Variants in ZNF362 observed in about 807,000 individuals in gnomAD.
The protein encoded by ZNF362 is zinc finger protein 362, also known as rotund homolog.
ZNF362 carries 11 observed loss-of-function variants against 42.9 expected under a neutral mutation model. The ratio of observed to expected loss-of-function variants is 0.26; its 90% CI spans 0.16 to 0.42. ZNF362 has a LOEUF of 0.42. ZNF362 is among the 20% of genes least tolerant of loss of function. The pLI, the probability that ZNF362 is intolerant of heterozygous loss-of-function variation, is 1.00. For missense variants in ZNF362, 362 were observed against 576.2 expected, an observed-to-expected ratio of 0.63 and a Z score of 3.81; for synonymous variants, 255 against 257.3, an observed-to-expected ratio of 0.99 and a Z score of 0.09.
At chr1:33,278,068 G>A (rs1039798103) in intron 4 of ZNF362, among the ~76,000 whole-genome samples, 2 of 152,124 alleles carry the variant, frequency 1.3e-5, no homozygotes, top group African/African-American at 4.8e-5. Context: ...CTGTTATTAT[G>A]ATTTTATTAA....
At chr1:33,232,330 T>C in the ZNF362 span, among the ~76,000 whole-genome samples, 81 of 151,826 alleles carry the variant, frequency 5.3e-4, no homozygotes, top group Non-Finnish European at 1.0e-3. Flanking sequence ...AGTGGTGTGA[T>C]CTCAGCTCAC....
At position 33,280,342 on chromosome 1, in the gene ZNF362, T is replaced by C; in HGVS notation, c.568T>C (p.Ser190Pro). Residue 190 changes from serine (S) to proline (P), a missense_variant, in exon 5 of 9, where the codon TCC (serine) becomes CCC (proline). Transcript: ENST00000539719. This position sits in a 1 kb window ranked among gnomAD's most constrained non-coding sequence, Gnocchi z 5.6. ...CCACGGCCTGCTTGGCCCCCCCAAG[T>C]CCGAACGCGGCCGCAAAAAGATCAA... is the stretch of plus-strand genomic sequence containing the variant. ...QGHGLLGPPK[S>P]ERGRKKIKAE... is the part of the protein sequence containing the mutation. 6.2e-7 allele frequency: 1 copy of C among 1,613,860 alleles called. No individual in the cohort carries two copies. Among genetic ancestry groups the C allele is most frequent in the Non-Finnish European group, 8.5e-7 (1 of 1,179,916 alleles).
chr1:33,280,311 C>A lies in ZNF362; in HGVS notation c.537C>A (p.Ile179=), dbSNP rs1186799197. The change falls in exon 5 of 9, where the codon ATC becomes ATA. Residue 179 remains isoleucine, a synonymous_variant. Coordinates refer to ENST00000539719, the MANE Select transcript of ZNF362 (RefSeq NM_152493.3). The surrounding 1 kb of genome is among the most constrained non-coding windows in gnomAD (Gnocchi z 5.6). ...CTCTCCTGGACTCCATCAAGACAAT[C>A]CAGGGCCACGGCCTGCTTGGCCCCC... The part of the protein sequence containing the change: ...SPPLLDSIKT[I]QGHGLLGPPK... The A allele has an allele frequency of 6.2e-7, 1 of 1,614,106 alleles. No homozygotes were observed. Among genetic ancestry groups the A allele is most frequent in the African/African-American group, 1.3e-5 (1 of 75,062 alleles).
chr1:33,196,920 A>C, the ZNF362 span, among the ~76,000 whole-genome samples: 6 of 152,294 alleles, frequency 3.9e-5, no homozygotes, highest in South Asian at 1.2e-3. Context: ...TGTGCCTGTG[A>C]GTATGTTGCC....
chr1:33,279,611 C>T lies in ZNF362; in HGVS notation c.350-513C>T, dbSNP rs567239643. Among the ~76,000 whole-genome samples the T allele has an allele frequency of 1.5e-3, 223 of 150,858 alleles. 4 individuals carry two copies. Among genetic ancestry groups the T allele is most frequent in the African/African-American group, 4.3e-3 (178 of 41,032 alleles). Reference sequence around the variant, plus strand: ...ACTTTTATTACAGAAGTTTTTAAAACGCTCATTGTCAAAGAATCAAGCACA... The same window carrying T: ...ACTTTTATTACAGAAGTTTTTAAAATGCTCATTGTCAAAGAATCAAGCACA... On this transcript the variant is annotated intron_variant, in intron 4 of 8. Transcript: ENST00000539719.
At chr1:33,188,800 C>G in the ZNF362 span, among the ~76,000 whole-genome samples, 1 of 152,210 alleles carries the variant, frequency 6.6e-6, no homozygotes, top group Non-Finnish European at 1.5e-5. Flanking sequence ...GAGAGATAAG[C>G]TCATTTCCAC....
the ZNF362 span, among the ~76,000 whole-genome samples, chr1:33,198,503 C>A: frequency 1.3e-5 from 2 of 151,968 alleles, no homozygotes; most frequent in Non-Finnish European, 2.9e-5. Context: ...CCCATCTCTG[C>A]AAAAAATACA....
At chr1:33,194,091 A>G in the ZNF362 span, among the ~76,000 whole-genome samples, 2,330 of 152,338 alleles carry the variant, frequency 0.015, 75 homozygotes, top group African/African-American at 0.054. Context: ...AATAGCAAAA[A>G]TGAACTATTA....
At chr1:33,285,815 C>G (rs1043250512) in intron 6 of ZNF362, among the ~76,000 whole-genome samples, 2 of 152,196 alleles carry the variant, frequency 1.3e-5, no homozygotes, top group African/African-American at 4.8e-5. Flanking sequence ...GTAATCACAG[C>G]ACTTTGGGAG....
chr1:33,213,302 AT>A, the ZNF362 span, among the ~76,000 whole-genome samples: 1 of 152,086 alleles, frequency 6.6e-6, no homozygotes, highest in Non-Finnish European at 1.5e-5. Context: ...CCTGAAGTTC[AT>A]TTTCTTAATC....
chr1:33,129,287 C>T, the ZNF362 span, among the ~76,000 whole-genome samples: 15 of 152,136 alleles, frequency 9.9e-5, no homozygotes, highest in Non-Finnish European at 1.8e-4. The surrounding 1 kb of genome is among the most constrained non-coding windows in gnomAD (Gnocchi z 4.1). Context: ...TCATATCCCT[C>T]CTAACTCTGA....
At chr1:33,278,033 G>A (rs912034729) in intron 4 of ZNF362, among the ~76,000 whole-genome samples, 1 of 152,004 alleles carries the variant, frequency 6.6e-6, no homozygotes, top group African/African-American at 2.4e-5. Flanking sequence ...ACCTCTCCAG[G>A]CCCCAGCCGC....
At chr1:33,208,194 C>A in the ZNF362 span, among the ~76,000 whole-genome samples, 1 of 152,158 alleles carries the variant, frequency 6.6e-6, no homozygotes, top group African/African-American at 2.4e-5. Flanking sequence ...ATAGGGCATC[C>A]TTTCCCCATT....
intron 8 of ZNF362, among the ~76,000 whole-genome samples, chr1:33,297,865 G>T (rs1442613557): frequency 6.6e-6 from 1 of 152,280 alleles, no homozygotes; most frequent in East Asian, 1.9e-4. Context: ...CATCGTAGTA[G>T]CTCAGTAGAT....
chr1:33,181,627 C>G, the ZNF362 span: 1 of 1,026,950 alleles, frequency 9.7e-7, no homozygotes, highest in Non-Finnish European at 1.3e-6. The surrounding 1 kb of genome is among the most constrained non-coding windows in gnomAD (Gnocchi z 6.5). Flanking sequence ...GCTGAGACTC[C>G]GTGGGACGCC....
the ZNF362 span, among the ~76,000 whole-genome samples, chr1:33,222,238 C>T: frequency 2.0e-5 from 3 of 152,154 alleles, no homozygotes; most frequent in Non-Finnish European, 2.9e-5. Flanking sequence ...ATACCTTCCC[C>T]ATACTTCCCC....
intron 2 of ZNF362, 123 bp from the exon 3 acceptor site, chr1:33,275,977 G>C: frequency 9.5e-7 from 1 of 1,051,990 alleles, no homozygotes; most frequent in Non-Finnish European, 1.4e-6. Context: ...TGTGAGGCTG[G>C]GGGACCCACG....
chr1:33,259,280 G>C (rs866091165), intron 1 of ZNF362, among the ~76,000 whole-genome samples: 1 of 152,280 alleles, frequency 6.6e-6, no homozygotes, highest in East Asian at 1.9e-4. Flanking sequence ...GCTGGTGATG[G>C]TGTCATGGAA....
At chr1:33,186,914 C>T in the ZNF362 span, among the ~76,000 whole-genome samples, 1 of 149,338 alleles carries the variant, frequency 6.7e-6, no homozygotes, top group African/African-American at 2.5e-5. Context: ...AAGAACTGAC[C>T]TTAAGATAAG....
Sources: allele counts gnomAD v4.1 joint callset (sites outside exome capture counted in the v4.1 genomes callset), GRCh38; gene constraint gnomAD v4.1.1; non-coding constraint Gnocchi (gnomAD v3.1); transcripts MANE v1.5; gene names NCBI Gene and HGNC (gene_info 2026-07-23, HGNC 2026-07-21).